The following ENTPD4 variants were observed in gnomAD, a reference collection of about 807,000 sequenced individuals.
The protein encoded by ENTPD4 is Golgi UDPase.
In ENTPD4, 60 loss-of-function variants were observed where a neutral mutation model predicts 79.1. That is an observed-to-expected ratio of 0.76 (90% CI 0.62 to 0.94). The LOEUF (loss-of-function observed/expected upper bound fraction) is 0.94. Among genes scored for constraint, ENTPD4 ranks in the 40% least tolerant of loss-of-function variants. The pLI is 0.00. For synonymous variants in ENTPD4, 276 were observed against 292.0 expected (o/e 0.95, Z 0.56); for missense variants, 772 against 775.1 (o/e 1.00, Z 0.05).
Position 23,436,164 on chromosome 8 carries a change from C to G in ENTPD4, c.1375-687G>C, listed in dbSNP as rs528278519. On this transcript the variant is annotated intron_variant, in intron 10 of 12. Transcript: ENST00000358689. Reference sequence around the variant, plus strand: ...ATGGACACAGAGAAGTCGCGGAGAGCGTGAGGGAAGCCAGCTGTCTGACAT... The same window carrying G: ...ATGGACACAGAGAAGTCGCGGAGAGGGTGAGGGAAGCCAGCTGTCTGACAT... Among the ~76,000 whole-genome samples the G allele has an allele frequency of 3.3e-5, 5 of 152,222 alleles. No homozygotes were observed. In the East Asian group the frequency reaches 7.7e-4, roughly 24 times the overall value.
At chr8:23,456,539 C>T (rs1393614920) in intron 1 of ENTPD4, among the ~76,000 whole-genome samples, 1 of 152,202 alleles carries the variant, frequency 6.6e-6, no homozygotes, top group Non-Finnish European at 1.5e-5. Flanking sequence ...GGGCCTCAGT[C>T]ACACATTTCC....
chr8:23,443,632 G>A (rs1376932652), intron 6 of ENTPD4, among the ~76,000 whole-genome samples: 1 of 152,102 alleles, frequency 6.6e-6, no homozygotes, highest in Non-Finnish European at 1.5e-5. Flanking sequence ...ACTACATGTG[G>A]TGAAGACAAA....
At chr8:23,450,300 T>C (rs185693259) in intron 1 of ENTPD4, among the ~76,000 whole-genome samples, 1 of 152,280 alleles carries the variant, frequency 6.6e-6, no homozygotes, top group East Asian at 1.9e-4. Flanking sequence ...ACAAGGGAGA[T>C]TTGGGGTGGA....
chr8:23,431,848 T>G lies in ENTPD4; in HGVS notation c.*1078A>C. ...ATTTCCAATTCTTTCAAAACCACAG[T>G]GTTCTAATGCCACTGAAATATGGAA... On this transcript the variant is annotated 3_prime_UTR_variant, in exon 13 of 13. Transcript: ENST00000358689. The G allele has an allele frequency of 1.0e-6, 1 of 985,412 alleles. No individual in the cohort carries two copies. The highest frequency in any genetic ancestry group is 1.2e-6 in the Non-Finnish European group (1 of 829,930). The allele number at this position is 985,412 out of a possible 1,614,324, so 61.0% of individuals were successfully genotyped here.
rs773660994 is a variant in ENTPD4 at position 23,430,889 on chromosome 8, G to A, written c.*2037C>T. On this transcript the variant is annotated 3_prime_UTR_variant, in exon 13 of 13. Coordinates refer to ENST00000358689, the MANE Select transcript of ENTPD4 (RefSeq NM_004901.5). ...GGAAGTGTCGCAGGCAGGTGGCCAAGACCAACTTATTAGGTAGCCAGAAGC... is the reference window on the plus strand; with the variant it reads ...GGAAGTGTCGCAGGCAGGTGGCCAAAACCAACTTATTAGGTAGCCAGAAGC... The A allele has an allele frequency of 9.4e-5, 93 of 985,398 alleles. No individual in the cohort carries two copies. The highest frequency in any genetic ancestry group is 1.1e-4 in the Non-Finnish European group (88 of 830,026). The allele number at this position is 985,398 out of a possible 1,614,324, so 61.0% of individuals were successfully genotyped here. A position where few individuals can be genotyped will look rare whatever the true frequency, so the allele number is the denominator to read the frequency against.
At chr8:23,434,862 G>T in intron 11 of ENTPD4, 1 of 297,372 alleles carries the variant, frequency 3.4e-6, no homozygotes, top group Non-Finnish European at 5.5e-6. Context: ...CTTCAGCTCT[G>T]ATATTCTATG....
chr8:23,435,829 A>G (rs185716927), intron 10 of ENTPD4, among the ~76,000 whole-genome samples: 2 of 152,372 alleles, frequency 1.3e-5, no homozygotes, highest in East Asian at 3.9e-4. Flanking sequence ...ACTAAGTCCT[A>G]CATCTGTGGA....
rs1027068251 is a variant in ENTPD4 at position 23,440,113 on chromosome 8, G to A, written c.883-198C>T. 25 of 532,294 alleles carry A rather than the reference G, an allele frequency of 4.7e-5. No homozygotes were observed. In the African/African-American group the frequency reaches 4.8e-4, roughly 10 times the overall value. The allele number at this position is 532,294 out of a possible 1,614,324, so 33.0% of individuals were successfully genotyped here. On this transcript the variant is annotated intron_variant, in intron 8 of 12. Transcript: ENST00000358689. ...AATTTCAGATGGGCTGCAAATTTGT[G>A]ATACTGTTATGACTTTTTGAAAGAG...
rs1332158423 is a variant in ENTPD4 at position 23,429,362 on chromosome 8, T to C, written c.*3564A>G. On this transcript the variant is annotated 3_prime_UTR_variant, in exon 13 of 13. Transcript: ENST00000358689. ...TAATTCCTAACTGTAAAATATAATT[T>C]TAGTACAGAACAAACAAATTCTCCT... The C allele has an allele frequency of 2.0e-6, 2 of 985,156 alleles. No homozygotes were observed. The highest frequency in any genetic ancestry group is 2.4e-6 in the Non-Finnish European group (2 of 829,768). 61.0% of individuals were successfully genotyped at this position (985,156 alleles called of 1,614,324 possible).
intron 4 of ENTPD4, among the ~76,000 whole-genome samples, chr8:23,447,407 C>T (rs1364906273): frequency 1.3e-5 from 2 of 152,168 alleles, no homozygotes; most frequent in Non-Finnish European, 2.9e-5. Flanking sequence ...TTAATGCCAA[C>T]CAGCAACATC....
intron 8 of ENTPD4, among the ~76,000 whole-genome samples, chr8:23,440,911 C>A (rs371366760): frequency 1.1e-4 from 17 of 152,306 alleles, no homozygotes; most frequent in African/African-American, 3.6e-4. Flanking sequence ...CACTTTGAAC[C>A]GTCCCCCGCC....
chr8:23,444,455 C>T lies in ENTPD4; in HGVS notation c.563+1G>A, dbSNP rs779898413. On this transcript the variant is annotated splice_donor_variant, in intron 5 of 12. Transcript: ENST00000358689. LOFTEE classifies it high-confidence loss of function. Reference sequence around the variant, plus strand: ...ACCCTTGCCCTTCTGTGGAGGATCACCTTTCGGGGAGGATTCTCATTCCAG... The same window carrying T: ...ACCCTTGCCCTTCTGTGGAGGATCATCTTTCGGGGAGGATTCTCATTCCAG... 6.2e-7 allele frequency: 1 copy of T among 1,613,602 alleles called. No homozygotes were observed. The highest frequency in any genetic ancestry group is 1.1e-5 in the South Asian group (1 of 91,022).
At chr8:23,450,845 C>T (rs1800846807) in intron 1 of ENTPD4, among the ~76,000 whole-genome samples, 1 of 152,060 alleles carries the variant, frequency 6.6e-6, no homozygotes, top group Admixed American at 6.6e-5. Context: ...TGCACAGAAC[C>T]ATGAGAAAAT....
At chr8:23,449,168 C>T (rs182225314) in intron 2 of ENTPD4, among the ~76,000 whole-genome samples, 2 of 152,296 alleles carry the variant, frequency 1.3e-5, no homozygotes, top group Admixed American at 1.3e-4. Context: ...TGGGTTTTCC[C>T]CTTCTCTTGA....
chr8:23,452,421 G>A (rs981641641), intron 1 of ENTPD4, among the ~76,000 whole-genome samples: 8 of 152,162 alleles, frequency 5.3e-5, no homozygotes, highest in Non-Finnish European at 8.8e-5. Flanking sequence ...ACTCCTTAGG[G>A]TGTAAAAGAG....
intron 2 of ENTPD4, 112 bp downstream of exon 2, chr8:23,449,781 A>C (rs1260748832): frequency 1.1e-6 from 1 of 944,226 alleles, no homozygotes; most frequent in African/African-American, 1.6e-5. Context: ...CTTAAACAGA[A>C]GCACAGCACA....
In ENTPD4 at chr8:23,432,997, G is replaced by C. The variant is rs773595870; in HGVS notation, c.1780C>G (p.Arg594Gly). Residue 594 changes from arginine to glycine, a missense_variant, in exon 13 of 13, where the codon CGG becomes GGG. Transcript: ENST00000358689. ...RLRRIHRRTP[R>G]SSSAAALWME... ...CAGAGGGCGGCGGCCGAGCTGCTCC[G>C]GGGAGTGCGCCTGTGGATGCGCCGC... 6.8e-6 allele frequency: 11 copies of C among 1,613,722 alleles called. No individual in the cohort carries two copies. The highest frequency in any genetic ancestry group is 2.2e-5 in the South Asian group (2 of 91,078).
chr8:23,445,355 G>A (rs1246289251), intron 4 of ENTPD4, among the ~76,000 whole-genome samples: 2 of 152,096 alleles, frequency 1.3e-5, no homozygotes, highest in African/African-American at 2.4e-5. Flanking sequence ...TGCCTCTTCA[G>A]GCTTCCAATT....
Position 23,431,391 on chromosome 8 carries a change from A to G in ENTPD4, c.*1535T>C. On this transcript the variant is annotated 3_prime_UTR_variant, in exon 13 of 13. Coordinates refer to ENST00000358689, the MANE Select transcript of ENTPD4 (RefSeq NM_004901.5). ...GCACACACAGACACTCGCACAAAAC[A>G]AACTCCACCTAAAAAAACTGTACGA... The G allele has an allele frequency of 1.0e-6, 1 of 985,388 alleles. No homozygotes were observed. Among genetic ancestry groups the G allele is most frequent in the Non-Finnish European group, 1.2e-6 (1 of 829,912 alleles). 61.0% of individuals were successfully genotyped at this position (985,388 alleles called of 1,614,324 possible).
Sources: gnomAD v4.1 joint callset for allele counts (sites outside exome capture counted in the v4.1 genomes callset) on GRCh38, gnomAD v4.1.1 for gene constraint, MANE v1.5 for transcripts, NCBI Gene and HGNC (gene_info 2026-07-23, HGNC 2026-07-21) for gene names.